MAGI1: variants seen among roughly 807,000 people sequenced by gnomAD.
The protein encoded by MAGI1 is membrane-associated guanylate kinase, WW and PDZ domain-containing protein 1.
A neutral mutation model predicts 139.9 loss-of-function variants in MAGI1; 58 were observed. The ratio of observed to expected loss-of-function variants is 0.41; its 90% CI spans 0.34 to 0.52. The LOEUF (loss-of-function observed/expected upper bound fraction) is 0.52, where lower values mean the gene tolerates loss of function less well. Ranked by LOEUF, MAGI1 falls within the 20% of genes least tolerant of loss-of-function variation. The pLI, the probability that MAGI1 is intolerant of heterozygous loss-of-function variation, is 0.12. For synonymous variants in MAGI1, 812 were observed against 737.9 expected (o/e 1.10, Z -1.63); for missense variants, 1,874 against 1,901.6 (o/e 0.99, Z 0.27).
chr3:65,517,244 C>T (rs1484425823), intron 2 of MAGI1, among the ~76,000 whole-genome samples: 1 of 152,182 alleles, frequency 6.6e-6, no homozygotes, highest in African/African-American at 2.4e-5. Context: ...CAGTTGGCCA[C>T]TCTTTCTCAA....
chr3:65,471,750 G>A (rs1342586977), intron 4 of MAGI1, among the ~76,000 whole-genome samples: 1 of 151,374 alleles, frequency 6.6e-6, no homozygotes, highest in Non-Finnish European at 1.5e-5. Context: ...TTGTTATTAG[G>A]TCAGGAATAG....
intron 2 of MAGI1, among the ~76,000 whole-genome samples, chr3:65,518,452 T>C (rs560206992): frequency 2.0e-5 from 3 of 152,154 alleles, no homozygotes; most frequent in Admixed American, 2.0e-4. Context: ...ACACTGGGGC[T>C]TAACTTCACG....
intron 2 of MAGI1, among the ~76,000 whole-genome samples, chr3:65,612,128 A>G (rs2083156905): frequency 6.6e-6 from 1 of 152,112 alleles, no homozygotes. Context: ...GGGGGAAGAG[A>G]GACAAAAACA....
chr3:65,559,377 A>C (rs777676907), intron 2 of MAGI1, among the ~76,000 whole-genome samples: 1 of 152,228 alleles, frequency 6.6e-6, no homozygotes, highest in Non-Finnish European at 1.5e-5. Context: ...AAATCAATCT[A>C]TCTGAAAATT....
intron 1 of MAGI1, among the ~76,000 whole-genome samples, chr3:66,021,436 C>G (rs978825709): frequency 1.3e-5 from 2 of 152,172 alleles, no homozygotes; most frequent in Non-Finnish European, 2.9e-5. Context: ...CTAGCATTTG[C>G]CCCCTAGAAG....
intron 2 of MAGI1, among the ~76,000 whole-genome samples, chr3:65,602,748 G>T (rs781270245): frequency 2.9e-4 from 44 of 151,872 alleles, no homozygotes; most frequent in Non-Finnish European, 5.2e-4. Context: ...ATGAAATTAA[G>T]GTAGAAATTT....
intron 2 of MAGI1, among the ~76,000 whole-genome samples, chr3:65,536,009 T>C (rs2078944067): frequency 6.6e-6 from 1 of 152,186 alleles, no homozygotes; most frequent in Non-Finnish European, 1.5e-5. Flanking sequence ...TGAAAACAAA[T>C]GGAGAAATCC....
At chr3:66,022,663 G>T (rs2068026332) in intron 1 of MAGI1, among the ~76,000 whole-genome samples, 1 of 152,132 alleles carries the variant, frequency 6.6e-6, no homozygotes, top group South Asian at 2.1e-4. Context: ...TTAACCCATA[G>T]CTTTTGGACA....
chr3:65,436,520 A>G (rs562636919), intron 10 of MAGI1, among the ~76,000 whole-genome samples: 1 of 152,326 alleles, frequency 6.6e-6, no homozygotes, highest in African/African-American at 2.4e-5. Context: ...AAACATGCAT[A>G]AATACCAAAA....
intron 17 of MAGI1, 29 bp from the exon 18 acceptor site, chr3:65,375,974 TAA>T (rs747884284): frequency 1.3e-6 from 2 of 1,558,078 alleles, no homozygotes; most frequent in African/African-American, 2.7e-5. Flanking sequence ...TTAATTTTTT[TAA>T]AGTTACGTGG....
At chr3:65,369,773 T>A (rs1941804857) in intron 18 of MAGI1, among the ~76,000 whole-genome samples, 1 of 152,120 alleles carries the variant, frequency 6.6e-6, no homozygotes, top group South Asian at 2.1e-4. Flanking sequence ...CCACCCAACG[T>A]GCTGGGATTA....
rs188576044 is a variant in MAGI1 at position 66,037,921 on chromosome 3, A to T, written c.313+75T>A. ...CTGCGCTCCGAGGAGGGAAGCAGGA[A>T]ATCGAGAATAAGGGGCAGCCCACAG... On this transcript the variant is annotated intron_variant, in intron 1 of 22. Coordinates refer to ENST00000402939, the MANE Select transcript of MAGI1 (RefSeq NM_001033057.2). 4.0e-6 allele frequency: 6 copies of T among 1,509,604 alleles called. No individual in the cohort carries two copies. The Admixed American group carries it at 1.4e-4, about 35-fold the overall frequency. The allele number at this position is 1,509,604 out of a possible 1,614,324, so 93.5% of individuals were successfully genotyped here.
At chr3:65,697,721 A>C (rs1235852747) in intron 1 of MAGI1, among the ~76,000 whole-genome samples, 1 of 112,568 alleles carries the variant, frequency 8.9e-6, no homozygotes, top group Non-Finnish European at 1.8e-5. Context: ...GATGGGACAT[A>C]TCTCAAAATA....
intron 1 of MAGI1, among the ~76,000 whole-genome samples, chr3:65,640,781 A>C (rs1380489932): frequency 6.6e-6 from 1 of 152,222 alleles, no homozygotes; most frequent in East Asian, 1.9e-4. Context: ...AACTGCAAGG[A>C]AGATACCAAA....
intron 1 of MAGI1, among the ~76,000 whole-genome samples, chr3:65,754,680 G>C (rs924759353): frequency 6.6e-6 from 1 of 152,154 alleles, no homozygotes; most frequent in Admixed American, 6.5e-5. Context: ...CTTTGGAGAA[G>C]GCCCACTGGG....
chr3:65,491,667 G>C (rs533929018), intron 3 of MAGI1, among the ~76,000 whole-genome samples: 2 of 152,076 alleles, frequency 1.3e-5, no homozygotes, highest in South Asian at 4.2e-4. Flanking sequence ...ACAACATGTT[G>C]AAGAAGCTCC....
At chr3:65,604,511 T>C (rs879658223) in intron 2 of MAGI1, among the ~76,000 whole-genome samples, 15 of 152,186 alleles carry the variant, frequency 9.9e-5, no homozygotes, top group Non-Finnish European at 2.1e-4. Context: ...ATGTTTTTCC[T>C]GGCTTGTGGA....
At chr3:65,897,411 T>A (rs2108603623) in intron 1 of MAGI1, among the ~76,000 whole-genome samples, 1 of 150,734 alleles carries the variant, frequency 6.6e-6, no homozygotes, top group African/African-American at 2.4e-5. Flanking sequence ...AGGTGGGAAT[T>A]CAACAACGAG....
chr3:65,997,566 G>C (rs1370361713), intron 1 of MAGI1, among the ~76,000 whole-genome samples: 2 of 152,164 alleles, frequency 1.3e-5, no homozygotes, highest in Non-Finnish European at 2.9e-5. Context: ...TGAGGCAGGA[G>C]AATGGCATGA....
Sources: gnomAD v4.1 joint callset for allele counts (sites outside exome capture counted in the v4.1 genomes callset) on GRCh38, gnomAD v4.1.1 for gene constraint, MANE v1.5 for transcripts, NCBI Gene and HGNC (gene_info 2026-07-23, HGNC 2026-07-21) for gene names.